The following LIMS1 variants were observed in gnomAD, a reference collection of about 807,000 sequenced individuals.
The protein encoded by LIMS1 is LIM zinc finger domain containing 1.
LIMS1 carries 18 observed loss-of-function variants against 44.1 expected under a neutral mutation model. The ratio of observed to expected loss-of-function variants is 0.41; its 90% CI spans 0.28 to 0.61. The LOEUF (loss-of-function observed/expected upper bound fraction) is 0.61. LIMS1 is among the 20% of genes least tolerant of loss of function. LIMS1 has a pLI of 0.32. For missense variants in LIMS1, 201 were observed against 422.0 expected, an observed-to-expected ratio of 0.48 and a Z score of 4.59; for synonymous variants, 93 against 149.1, an observed-to-expected ratio of 0.62 and a Z score of 2.74.
At chr2:108,557,677 C>T (rs1173289916) in intron 1 of LIMS1, among the ~76,000 whole-genome samples, 3 of 151,910 alleles carry the variant, frequency 2.0e-5, no homozygotes, top group Non-Finnish European at 4.4e-5. Context: ...CCACCACGCC[C>T]AGCTAATTTT....
At position 108,569,764 on chromosome 2, in the gene LIMS1, C is replaced by CTTTTTTTTTTTTTTTTTTTTTTTT. The variant is rs10596766; in HGVS notation, c.32+35189_32+35190insTTTTTTTTTTTTTTTTTTTTTTTT. 2.7e-5 allele frequency among the ~76,000 whole-genome samples: 3 copies of CTTTTTTTTTTTTTTTTTTTTTTTT among 113,124 alleles called. 1 individual carries two copies. Among genetic ancestry groups the CTTTTTTTTTTTTTTTTTTTTTTTT allele is most frequent in the South Asian group, 6.5e-4 (2 of 3,062 alleles). The allele number at this position is 113,124 out of a possible 152,430, so 74.2% of individuals were successfully genotyped here. A position where few individuals can be genotyped will look rare whatever the true frequency, so the allele number is the denominator to read the frequency against. ...TACAAACACTCACCGCCATATCTGG[C>CTTTTTTTTTTTTTTTTTTTTTTTT]TTTTTTTTTTTTTTTTTTTAGTGAT... is the stretch of plus-strand genomic sequence containing the variant. On this transcript the variant is annotated intron_variant, in intron 1 of 9. Coordinates refer to ENST00000544547, the Ensembl canonical transcript of LIMS1.
intron 1 of LIMS1, among the ~76,000 whole-genome samples, chr2:108,580,069 G>T (rs1231187017): frequency 6.6e-6 from 1 of 152,194 alleles, no homozygotes; most frequent in Non-Finnish European, 1.5e-5. Flanking sequence ...AACAGGAATA[G>T]ACTCAGGCAA....
At chr2:108,603,759 T>C (rs1687135244) in intron 1 of LIMS1, among the ~76,000 whole-genome samples, 1 of 152,060 alleles carries the variant, frequency 6.6e-6, no homozygotes, top group Non-Finnish European at 1.5e-5. Context: ...ATCTCTGATT[T>C]TATTTATTTA....
intron 1 of LIMS1, among the ~76,000 whole-genome samples, chr2:108,650,816 T>G (rs532367193): frequency 6.6e-6 from 1 of 152,180 alleles, no homozygotes; most frequent in South Asian, 2.1e-4. Flanking sequence ...CACCAAACTA[T>G]GTACTGTATA....
intron 1 of LIMS1, among the ~76,000 whole-genome samples, chr2:108,631,792 G>T (rs1041613266): frequency 2.6e-5 from 4 of 152,232 alleles, no homozygotes; most frequent in Admixed American, 6.5e-5. Flanking sequence ...TCTGGGAGCA[G>T]TGGTGCAGAG....
intron 1 of LIMS1, among the ~76,000 whole-genome samples, chr2:108,642,481 T>C (rs826697): frequency 0.99 from 146,933 of 148,456 alleles, 72,734 homozygotes; most frequent in South Asian, 1. Context: ...TGCCTCAGCC[T>C]CCCGAGTAGC....
chr2:108,594,014 C>T (rs1450914808), intron 1 of LIMS1, among the ~76,000 whole-genome samples: 1 of 152,138 alleles, frequency 6.6e-6, no homozygotes, highest in Non-Finnish European at 1.5e-5. Context: ...ACAAAGCTCC[C>T]TTTAAATTCA....
intron 3 of LIMS1, among the ~76,000 whole-genome samples, chr2:108,672,080 T>C (rs1057162509): frequency 6.2e-5 from 9 of 145,388 alleles, no homozygotes; most frequent in Non-Finnish European, 1.2e-4. Flanking sequence ...GGCAGGAGAA[T>C]CGCTTGAACC....
At chr2:108,552,494 TATA>T (rs1279910398) in intron 1 of LIMS1, among the ~76,000 whole-genome samples, 3 of 146,640 alleles carry the variant, frequency 2.0e-5, no homozygotes, top group East Asian at 1.9e-4. Flanking sequence ...TACAGTTACA[TATA>T]ATATATAAAT....
chr2:108,607,741 T>G (rs1366424799), intron 1 of LIMS1, among the ~76,000 whole-genome samples: 1 of 152,214 alleles, frequency 6.6e-6, no homozygotes, highest in Non-Finnish European at 1.5e-5. Flanking sequence ...TAATGTTTTA[T>G]GTCTTCTGTT....
intron 1 of LIMS1, among the ~76,000 whole-genome samples, chr2:108,569,516 T>C (rs1022444998): frequency 1.4e-4 from 21 of 152,210 alleles, no homozygotes. Context: ...TTGTATATAA[T>C]TCATTCTTTT....
chr2:108,625,587 C>A lies in LIMS1; in HGVS notation c.33-34018C>A, dbSNP rs547888400. 2.2e-3 allele frequency among the ~76,000 whole-genome samples: 327 copies of A among 151,174 alleles called. 2 individuals are homozygous for A. The highest frequency in any genetic ancestry group is 7.0e-3 in the African/African-American group (286 of 41,104). On this transcript the variant is annotated intron_variant, in intron 1 of 9. Coordinates refer to ENST00000544547, the Ensembl canonical transcript of LIMS1. ...TGAAAAGAATATGAATCCCCCCCCCCAAAAAAATGCAGTTTGAAATTTGTA... is the reference window on the plus strand; with the variant it reads ...TGAAAAGAATATGAATCCCCCCCCCAAAAAAAATGCAGTTTGAAATTTGTA...
In LIMS1 at chr2:108,612,037, C is replaced by CACATAT. The variant is rs1213932375; in HGVS notation, c.33-47565_33-47564insTATACA. 1.3e-3 allele frequency among the ~76,000 whole-genome samples: 121 copies of CACATAT among 94,852 alleles called. 3 individuals carry two copies. The highest frequency in any genetic ancestry group is 4.3e-3 in the African/African-American group (102 of 23,620). 62.2% of individuals were successfully genotyped at this position (94,852 alleles called of 152,430 possible). A position where few individuals can be genotyped will look rare whatever the true frequency, so the allele number is the denominator to read the frequency against. On this transcript the variant is annotated intron_variant, in intron 1 of 9. Transcript: ENST00000544547. ...ATATATACACACACATATACACACA[C>CACATAT]ACACACACACACACACATATATATA...
At chr2:108,686,902 C>G (rs1693342549) in exon 10 of LIMS1, 2 of 152,140 alleles carry the variant, frequency 1.3e-5, no homozygotes, top group African/African-American at 4.8e-5. Flanking sequence ...TAAAGTCCTA[C>G]AAGACAATTT....
exon 1 of LIMS1, chr2:108,534,521 GA>G: frequency 8.3e-7 from 1 of 1,198,800 alleles, no homozygotes; most frequent in Non-Finnish European, 1.0e-6. Context: ...GCGGCGCCGG[GA>G]GACGAGGGGC....
chr2:108,599,735 G>T (rs1347463570), intron 1 of LIMS1, among the ~76,000 whole-genome samples: 2 of 152,130 alleles, frequency 1.3e-5, no homozygotes, highest in Non-Finnish European at 2.9e-5. Context: ...GGGGCGAGAT[G>T]AGATCTCATT....
At position 108,534,532 on chromosome 2, in the gene LIMS1, C is replaced by A. The variant is rs1286756540; in HGVS notation, c.-31C>A. The A allele has an allele frequency of 8.3e-7, 1 of 1,209,482 alleles. No homozygotes were observed. The highest frequency in any genetic ancestry group is 1.6e-5 in the African/African-American group (1 of 62,392). The allele number at this position is 1,209,482 out of a possible 1,614,324, so 74.9% of individuals were successfully genotyped here. A position where few individuals can be genotyped will look rare whatever the true frequency, so the allele number is the denominator to read the frequency against. On this transcript the variant is annotated 5_prime_UTR_variant, in exon 1 of 10. It adds an upstream start codon to the 5' untranslated region. Coordinates refer to ENST00000544547, the Ensembl canonical transcript of LIMS1. ...TGGAGCGGCGCCGGGAGACGAGGGG[C>A]TGAGAGACGGCGGCGGCCGAAAGCG... is the stretch of plus-strand genomic sequence containing the variant.
At chr2:108,591,969 A>G (rs1008941194) in intron 1 of LIMS1, among the ~76,000 whole-genome samples, 2 of 151,730 alleles carry the variant, frequency 1.3e-5, no homozygotes, top group Non-Finnish European at 2.9e-5. Flanking sequence ...TAATTTTTGT[A>G]TCTTTGGTAG....
At chr2:108,671,930 A>G (rs1198609217) in intron 3 of LIMS1, among the ~76,000 whole-genome samples, 3 of 152,190 alleles carry the variant, frequency 2.0e-5, no homozygotes, top group Non-Finnish European at 4.4e-5. Context: ...CTATAATCCT[A>G]GCACTTTGGG....
Sources: gnomAD v4.1 joint callset for allele counts (sites outside exome capture counted in the v4.1 genomes callset) on GRCh38, gnomAD v4.1.1 for gene constraint, MANE v1.5 for transcripts, NCBI Gene and HGNC (gene_info 2026-07-23, HGNC 2026-07-21) for gene names.